ASAP1: variants seen among roughly 807,000 people sequenced by gnomAD.
ASAP1 encodes the protein ArfGAP with SH3 domain, ankyrin repeat and PH domain 1.
In ASAP1, 43 loss-of-function variants were observed where a neutral mutation model predicts 145.2. That is an observed-to-expected ratio of 0.30 (90% CI 0.23 to 0.38). The LOEUF (loss-of-function observed/expected upper bound fraction) is 0.38, where lower values mean the gene tolerates loss of function less well. Among genes scored for constraint, ASAP1 ranks in the 10% least tolerant of loss-of-function variants. The pLI is 1.00. For missense variants in ASAP1, 1,018 were observed against 1,355.3 expected, an observed-to-expected ratio of 0.75 and a Z score of 3.91; for synonymous variants, 546 against 515.5, an observed-to-expected ratio of 1.06 and a Z score of -0.80.
intron 18 of ASAP1, among the ~76,000 whole-genome samples, chr8:130,119,058 G>A (rs2097561135): frequency 6.6e-6 from 1 of 152,138 alleles, no homozygotes; most frequent in Non-Finnish European, 1.5e-5. Context: ...AGTTTTCAGA[G>A]CTTCACGGAA....
intron 3 of ASAP1, among the ~76,000 whole-genome samples, chr8:130,248,785 C>T (rs550046902): frequency 6.6e-6 from 1 of 152,284 alleles, no homozygotes; most frequent in South Asian, 2.1e-4. Context: ...TCCAAATCTT[C>T]TCTTCCTCCT....
intron 7 of ASAP1, among the ~76,000 whole-genome samples, chr8:130,183,869 C>T (rs1213807760): frequency 1.3e-5 from 2 of 152,114 alleles, no homozygotes; most frequent in Non-Finnish European, 2.9e-5. Context: ...GAGTCAAACG[C>T]CATCCCAGGA....
intron 5 of ASAP1, among the ~76,000 whole-genome samples, chr8:130,189,009 T>C (rs1191786823): frequency 6.6e-6 from 1 of 152,144 alleles, no homozygotes; most frequent in Non-Finnish European, 1.5e-5. Flanking sequence ...GATTTTTTTT[T>C]GCTCAGATTT....
Position 130,242,279 on chromosome 8 carries a change from A to C in ASAP1, c.187-5285T>G, listed in dbSNP as rs1308324051. On this transcript the variant is annotated intron_variant, in intron 3 of 29. Transcript: ENST00000518721. ...ATTTCCTTAAAAAAAAAAAAAAAAAAAAAACAACTTTTTTTTTTTTTTAAC... is the reference window on the plus strand; with the variant it reads ...ATTTCCTTAAAAAAAAAAAAAAAAACAAAACAACTTTTTTTTTTTTTTAAC... Among the ~76,000 whole-genome samples, 6 of 150,924 alleles carry C rather than the reference A, an allele frequency of 4.0e-5. No individual in the cohort carries two copies. In the East Asian group the frequency reaches 7.8e-4, roughly 20 times the overall value.
chr8:130,239,529 C>A (rs971014481), intron 3 of ASAP1, among the ~76,000 whole-genome samples: 9 of 151,964 alleles, frequency 5.9e-5, no homozygotes, highest in Non-Finnish European at 2.9e-5. Flanking sequence ...TAATGATATC[C>A]GCGATAGGCT....
intron 3 of ASAP1, among the ~76,000 whole-genome samples, chr8:130,333,637 G>A (rs1304549704): frequency 1.3e-5 from 2 of 152,082 alleles, no homozygotes; most frequent in Non-Finnish European, 2.9e-5. Context: ...AAAAACAAAC[G>A]GCATGGCTGT....
At chr8:130,069,828 AT>A (rs2097438613) in intron 27 of ASAP1, among the ~76,000 whole-genome samples, 2 of 152,324 alleles carry the variant, frequency 1.3e-5, no homozygotes, top group African/African-American at 4.8e-5. Flanking sequence ...TGGGGCAAAA[AT>A]GGGGCAGACT....
At chr8:130,214,812 CA>C in intron 4 of ASAP1, 111 bp from the exon 5 acceptor site, 1 of 917,322 alleles carries the variant, frequency 1.1e-6, no homozygotes, top group Non-Finnish European at 1.6e-6. Flanking sequence ...TAAACTGTAT[CA>C]ATTATTTATT....
At chr8:130,219,955 A>G (rs1817191972) in intron 4 of ASAP1, among the ~76,000 whole-genome samples, 1 of 152,082 alleles carries the variant, frequency 6.6e-6, no homozygotes, top group African/African-American at 2.4e-5. Flanking sequence ...ATGACCGGCT[A>G]ATTTTTAATT....
intron 5 of ASAP1, among the ~76,000 whole-genome samples, chr8:130,197,741 G>T (rs1815597914): frequency 6.6e-6 from 1 of 152,204 alleles, no homozygotes. Flanking sequence ...GGGAATCCCA[G>T]GAGTAGTAAT....
intron 2 of ASAP1, among the ~76,000 whole-genome samples, chr8:130,374,218 G>A (rs1375757948): frequency 6.6e-6 from 1 of 152,184 alleles, no homozygotes; most frequent in African/African-American, 2.4e-5. Flanking sequence ...TTCAGAGGCT[G>A]TTATAAACAT....
chr8:130,059,600 T>C (rs1343775860), intron 28 of ASAP1, among the ~76,000 whole-genome samples: 2 of 152,302 alleles, frequency 1.3e-5, no homozygotes, highest in East Asian at 3.9e-4. Flanking sequence ...ACTGTAACAT[T>C]TTATAACAGA....
intron 1 of ASAP1, among the ~76,000 whole-genome samples, chr8:130,412,393 C>T (rs956674363): frequency 2.0e-5 from 3 of 151,876 alleles, no homozygotes; most frequent in African/African-American, 7.3e-5. Flanking sequence ...AACTGTGTTG[C>T]GCCTTGCTCT....
rs879754231 is a variant in ASAP1, at chr8:130,072,823, G to GCGCGCA, written c.2701+3524_2701+3525insTGCGCG. Among the ~76,000 whole-genome samples the GCGCGCA allele has an allele frequency of 2.4e-3, 178 of 72,654 alleles. 10 individuals carry two copies. Among genetic ancestry groups the GCGCGCA allele is most frequent in the African/African-American group, 0.01 (165 of 15,984 alleles). 47.7% of individuals were successfully genotyped at this position (72,654 alleles called of 152,430 possible). Reference sequence around the variant, plus strand: ...TGTGTGTGTGTGTGTGTGTGTGTGTGTGCGCGCGGGGGGGGGCAGTTTTGG... The same window carrying GCGCGCA: ...TGTGTGTGTGTGTGTGTGTGTGTGTGCGCGCATGCGCGCGGGGGGGGGCAGTTTTGG... On this transcript the variant is annotated intron_variant, in intron 27 of 29. Coordinates refer to ENST00000518721, the MANE Select transcript of ASAP1 (RefSeq NM_018482.4).
intron 23 of ASAP1, among the ~76,000 whole-genome samples, chr8:130,113,607 A>G (rs571750567): frequency 6.6e-6 from 1 of 152,148 alleles, no homozygotes; most frequent in South Asian, 2.1e-4. Context: ...CAATTAATGC[A>G]TGAATGAACT....
At chr8:130,424,877 C>T (rs1408629632) in intron 1 of ASAP1, among the ~76,000 whole-genome samples, 1 of 152,036 alleles carries the variant, frequency 6.6e-6, no homozygotes, top group Non-Finnish European at 1.5e-5. Context: ...CCTGTAGTTC[C>T]AGCTACTCGG....
chr8:130,149,419 T>C (rs990891141), intron 13 of ASAP1, among the ~76,000 whole-genome samples: 1 of 152,032 alleles, frequency 6.6e-6, no homozygotes, highest in African/African-American at 2.4e-5. Context: ...CTTCTAAGGA[T>C]GGGCTGCCAA....
At chr8:130,089,334 G>T (rs1206711682) in intron 25 of ASAP1, among the ~76,000 whole-genome samples, 1 of 152,202 alleles carries the variant, frequency 6.6e-6, no homozygotes, top group East Asian at 1.9e-4. Context: ...GACATGTTCA[G>T]CTTTGGGGGT....
chr8:130,240,668 GA>G (rs1818469834), intron 3 of ASAP1, among the ~76,000 whole-genome samples: 1 of 152,126 alleles, frequency 6.6e-6, no homozygotes, highest in African/African-American at 2.4e-5. Flanking sequence ...GGGTGAGGGG[GA>G]AAGAATGAAT....
Sources: allele counts gnomAD v4.1 joint callset (sites outside exome capture counted in the v4.1 genomes callset), GRCh38; gene constraint gnomAD v4.1.1; transcripts MANE v1.5; gene names NCBI Gene and HGNC (gene_info 2026-07-23, HGNC 2026-07-21).